GTF2I: variants seen among roughly 807,000 people sequenced by gnomAD.
GTF2I encodes general transcription factor II-I.
A neutral mutation model predicts 67.6 loss-of-function variants in GTF2I; 12 were observed. That is an observed-to-expected ratio of 0.18 (90% confidence interval 0.11 to 0.29). The LOEUF (loss-of-function observed/expected upper bound fraction) is 0.29, where lower values mean the gene tolerates loss of function less well. GTF2I is among the 10% of genes least tolerant of loss of function. GTF2I has a pLI of 1.00. For missense variants in GTF2I, 271 were observed against 580.1 expected, an observed-to-expected ratio of 0.47 and a Z score of 5.47; for synonymous variants, 149 against 197.0, an observed-to-expected ratio of 0.76 and a Z score of 2.04.
In GTF2I at chr7:74,737,683, CTG is replaced by C. The variant is rs1232243778; in HGVS notation, c.1620-356_1620-355del. Reference sequence around the variant, plus strand: ...TTCCTTACTGATTGGGGTCATGCCTCTGTGTGTTTGTTGGGACTGAGTTATAA... The same window carrying C: ...TTCCTTACTGATTGGGGTCATGCCTCTGTGTTTGTTGGGACTGAGTTATAA... On this transcript the variant is annotated intron_variant, in intron 18 of 34. Transcript: ENST00000573035. Among the ~76,000 whole-genome samples the C allele has an allele frequency of 1.4e-4, 19 of 134,470 alleles. 1 individual carries two copies. Among genetic ancestry groups the C allele is most frequent in the African/African-American group, 4.8e-4 (18 of 37,874 alleles). 88.2% of individuals were successfully genotyped at this position (134,470 alleles called of 152,430 possible). A position where few individuals can be genotyped will look rare whatever the true frequency, so the allele number is the denominator to read the frequency against.
At chr7:74,685,253 T>C (rs79507344) in intron 1 of GTF2I, among the ~76,000 whole-genome samples, 2 of 152,360 alleles carry the variant, frequency 1.3e-5, no homozygotes, top group African/African-American at 4.8e-5. Context: ...CCCAGTACTT[T>C]GGGAGGCCAA....
In GTF2I at chr7:74,743,450, CAAA is replaced by C. The variant is rs1795187509; in HGVS notation, c.1681_1683del (p.Lys561del). ...ATTGGGTTTCTTTTTGTTTTCCAGT[CAAA>C]GAAGATTGGAATGTCAGAATTACCA... On this transcript the variant is annotated inframe_deletion and splice_region_variant, in exon 20 of 35. Coordinates refer to ENST00000573035, the MANE Select transcript of GTF2I (RefSeq NM_032999.4). 1 of 551,904 alleles carries C rather than the reference CAAA, an allele frequency of 1.8e-6. No individual in the cohort carries two copies. Among genetic ancestry groups the C allele is most frequent in the African/African-American group, 2.1e-5 (1 of 46,698 alleles). The allele number at this position is 551,904 out of a possible 1,614,324, so 34.2% of individuals were successfully genotyped here.
At chr7:74,663,845 T>C (rs1554387529) in intron 1 of GTF2I, among the ~76,000 whole-genome samples, 3 of 152,148 alleles carry the variant, frequency 2.0e-5, no homozygotes, top group Admixed American at 6.6e-5. Flanking sequence ...TTATTTATTT[T>C]TGAGACAGAG....
At chr7:74,703,797 C>A (rs1554400514) in intron 6 of GTF2I, among the ~76,000 whole-genome samples, 2 of 152,180 alleles carry the variant, frequency 1.3e-5, no homozygotes, top group Admixed American at 1.3e-4. Flanking sequence ...ACATTTAGAT[C>A]TATGGTTCAT....
chr7:74,671,544 A>G (rs1554390695), intron 1 of GTF2I, among the ~76,000 whole-genome samples: 1 of 151,960 alleles, frequency 6.6e-6, no homozygotes. Flanking sequence ...ACAGTTGTAA[A>G]TCGTTTCAAA....
At chr7:74,730,976 G>A (rs1174498869) in intron 14 of GTF2I, among the ~76,000 whole-genome samples, 3 of 130,892 alleles carry the variant, frequency 2.3e-5, no homozygotes, top group African/African-American at 8.6e-5. Flanking sequence ...CAAAGTGCTA[G>A]CATTACAGGC....
At chr7:74,716,604 A>C (rs1554403673) in intron 10 of GTF2I, 2 of 275,540 alleles carry the variant, frequency 7.3e-6, no homozygotes, top group East Asian at 1.4e-4. Context: ...CTCAGATTCC[A>C]ATATCTAGTA....
chr7:74,671,475 GT>G (rs1403416010), intron 1 of GTF2I, among the ~76,000 whole-genome samples: 49 of 139,658 alleles, frequency 3.5e-4, no homozygotes, highest in African/African-American at 7.3e-4. Flanking sequence ...GAAGTGTCTT[GT>G]TTTTTTTTTT....
intron 9 of GTF2I, among the ~76,000 whole-genome samples, chr7:74,712,650 ATCTTTT>A (rs1160108858): frequency 7.0e-4 from 84 of 120,300 alleles, no homozygotes; most frequent in African/African-American, 3.1e-3. Context: ...TTCAAGATTT[ATCTTTT>A]TTTTTTTTTT....
intron 8 of GTF2I, among the ~76,000 whole-genome samples, chr7:74,707,339 C>T (rs1298493701): frequency 6.6e-6 from 1 of 152,224 alleles, no homozygotes. Flanking sequence ...CCTGCCCCCT[C>T]ATCTCCCTCT....
rs1312733340 is a variant in GTF2I, at chr7:74,704,653, A to G, written c.587-511A>G. ...TCCCTTGAGGCCAGGAGTTCGAGAT[A>G]AGCCTGGGCAACATAGCAAGATCCA... On this transcript the variant is annotated intron_variant, in intron 6 of 34. Transcript: ENST00000573035. 4.6e-5 allele frequency among the ~76,000 whole-genome samples: 7 copies of G among 152,106 alleles called. No individual in the cohort carries two copies. In the East Asian group the frequency reaches 1.4e-3, roughly 29 times the overall value.
At chr7:74,726,869 A>G (rs1793861364) in intron 12 of GTF2I, 1 of 151,232 alleles carries the variant, frequency 6.6e-6, no homozygotes, top group Non-Finnish European at 1.5e-5. Flanking sequence ...AGATAGATAG[A>G]TAGATAGATA....
Position 74,714,911 on chromosome 7 carries a change from T to G in GTF2I, c.818T>G (p.Leu273Trp). ...VDEKQPLSKP[L>W]QGSHHSSEGN... Reference sequence around the variant, plus strand: ...GAAAAACAGCCCCTATCGAAGCCTTTGCAAGGTATAATCTTTTCACTTCCA... The same window carrying G: ...GAAAAACAGCCCCTATCGAAGCCTTGGCAAGGTATAATCTTTTCACTTCCA... The change falls in exon 10 of 35, where the codon TTG becomes TGG. Residue 273 changes from leucine to tryptophan, a missense_variant. By Grantham distance (61) the Leu-to-Trp change is moderately conservative. This residue lies in a region of GTF2I where 124 missense variants were observed against 147.0 expected (regional missense o/e 0.84). Transcript: ENST00000573035. 1.3e-6 allele frequency: 2 copies of G among 1,599,762 alleles called. No homozygotes were observed. The highest frequency in any genetic ancestry group is 1.7e-6 in the Non-Finnish European group (2 of 1,169,744).
Position 74,753,953 on chromosome 7 carries a change from GC to G in GTF2I, c.2754del (p.Ser919AlafsTer8). On this transcript the variant is annotated frameshift_variant, in exon 30 of 35. Coordinates refer to ENST00000573035, the MANE Select transcript of GTF2I (RefSeq NM_032999.4). LOFTEE classifies it high-confidence loss of function. ...DGMPPGVSFKAPSYLEISSMR... is the reference protein window; with the variant it reads ...DGMPPGVSFKXPSYLEISSMR... ...CATGCCCCCGGGGGTGTCCTTCAAAGCCCCCAGCTACCTGGAAATCAGCTCC... is the reference window on the plus strand; with the variant it reads ...CATGCCCCCGGGGGTGTCCTTCAAAGCCCCAGCTACCTGGAAATCAGCTCC... 1.7e-5 allele frequency: 4 copies of G among 233,298 alleles called. No individual in the cohort carries two copies. Among genetic ancestry groups the G allele is most frequent in the Non-Finnish European group, 2.5e-5 (4 of 160,420 alleles). 14.5% of individuals were successfully genotyped at this position (233,298 alleles called of 1,614,324 possible).
At chr7:74,698,687 C>T (rs1178579351) in intron 3 of GTF2I, among the ~76,000 whole-genome samples, 1 of 152,176 alleles carries the variant, frequency 6.6e-6, no homozygotes, top group Non-Finnish European at 1.5e-5. Context: ...GGTGGAATTA[C>T]AGGCGTGAGC....
chr7:74,673,483 G>C (rs1805630097), intron 1 of GTF2I, among the ~76,000 whole-genome samples: 1 of 152,044 alleles, frequency 6.6e-6, no homozygotes. Flanking sequence ...TCAGGTTCAA[G>C]CAATTCTCCT....
At chr7:74,689,330 A>C in intron 2 of GTF2I, 103 bp downstream of exon 2, 1 of 456,908 alleles carries the variant, frequency 2.2e-6, no homozygotes, top group South Asian at 4.2e-5. Flanking sequence ...TTTAGTTTTA[A>C]TGAGTACTTT....
intron 1 of GTF2I, among the ~76,000 whole-genome samples, chr7:74,672,607 T>C (rs1231674484): frequency 3.9e-5 from 6 of 152,156 alleles, no homozygotes; most frequent in Non-Finnish European, 7.3e-5. Flanking sequence ...TTTATTTTCC[T>C]TGGGAAAATA....
At chr7:74,691,897 C>T (rs1788345174) in intron 3 of GTF2I, among the ~76,000 whole-genome samples, 1 of 151,970 alleles carries the variant, frequency 6.6e-6, no homozygotes, top group Non-Finnish European at 1.5e-5. Context: ...CTACCTCATC[C>T]TCCCGAGTAG....
Sources: gnomAD v4.1 joint callset for allele counts (sites outside exome capture counted in the v4.1 genomes callset) on GRCh38, gnomAD v4.1.1 for gene constraint, gnomAD v4.1.1 regional missense constraint, MANE v1.5 for transcripts, NCBI Gene and HGNC (gene_info 2026-07-23, HGNC 2026-07-21) for gene names.